The following MAPRE2 variants were observed in gnomAD, a reference collection of about 807,000 sequenced individuals.
MAPRE2 encodes microtubule-associated protein RP/EB family member 2.
Under a neutral mutation model 43.2 loss-of-function variants are expected in MAPRE2, and 13 were observed. The ratio of observed to expected loss-of-function variants is 0.30; its 90% CI spans 0.20 to 0.48. MAPRE2 has a LOEUF of 0.48. Among genes scored for constraint, MAPRE2 ranks in the 20% least tolerant of loss-of-function variants. The pLI, the probability that MAPRE2 is intolerant of heterozygous loss-of-function variation, is 0.99. For synonymous variants in MAPRE2, 135 were observed against 148.8 expected (o/e 0.91, Z 0.68); for missense variants, 161 against 400.2 (o/e 0.40, Z 5.10).
chr18:35,000,579 A>G (rs1276635279), intron 1 of MAPRE2, among the ~76,000 whole-genome samples: 1 of 152,166 alleles, frequency 6.6e-6, no homozygotes, highest in Non-Finnish European at 1.5e-5. Flanking sequence ...AGGATTTGAC[A>G]TTTCTAGAGG....
Position 35,142,244 on chromosome 18 carries a change from C to CTCT in MAPRE2, c.*1877_*1879dup, listed in dbSNP as rs1569021068. 1 of 152,200 alleles carries CTCT rather than the reference C, an allele frequency of 6.6e-6. No homozygotes were observed. The highest frequency in any genetic ancestry group is 1.5e-5 in the Non-Finnish European group (1 of 68,064). 9.4% of individuals were successfully genotyped at this position (152,200 alleles called of 1,614,324 possible). ...TTCTGAGCCTGTTGTACTCACTGATCTCTTTAAAAACAAAAAATAGCTCTT... is the reference window on the plus strand; with the variant it reads ...TTCTGAGCCTGTTGTACTCACTGATCTCTTCTTTAAAAACAAAAAATAGCTCTT... On this transcript the variant is annotated 3_prime_UTR_variant, in exon 7 of 7. Coordinates refer to ENST00000300249, the MANE Select transcript of MAPRE2 (RefSeq NM_014268.4).
At chr18:35,021,921 A>C (rs2097042157) in intron 2 of MAPRE2, among the ~76,000 whole-genome samples, 1 of 152,094 alleles carries the variant, frequency 6.6e-6, no homozygotes, top group African/African-American at 2.4e-5. Flanking sequence ...TTTCAGAATA[A>C]AAGAGATGTT....
At chr18:34,994,406 T>A (rs1269565715) in intron 1 of MAPRE2, among the ~76,000 whole-genome samples, 1 of 151,804 alleles carries the variant, frequency 6.6e-6, no homozygotes, top group Non-Finnish European at 1.5e-5. Flanking sequence ...TTTGCTTTTT[T>A]TTTTCTTTTC....
intron 4 of MAPRE2, among the ~76,000 whole-genome samples, chr18:35,113,794 G>A (rs955798812): frequency 1.3e-5 from 2 of 152,158 alleles, no homozygotes; most frequent in East Asian, 3.9e-4. Flanking sequence ...TCAGGAGGCT[G>A]AGGTGGGAGG....
intron 2 of MAPRE2, among the ~76,000 whole-genome samples, chr18:35,018,530 G>T (rs181114784): frequency 1.1e-4 from 16 of 150,828 alleles, no homozygotes; most frequent in Admixed American, 9.9e-4. Flanking sequence ...TCAGGGTTTC[G>T]ATTTCTTCCT....
intron 1 of MAPRE2, among the ~76,000 whole-genome samples, chr18:34,995,769 T>A (rs957280110): frequency 5.3e-5 from 8 of 152,158 alleles, no homozygotes; most frequent in Non-Finnish European, 1.2e-4. Flanking sequence ...TTATCTCAGT[T>A]GGGATCATGT....
intron 1 of MAPRE2, among the ~76,000 whole-genome samples, chr18:34,996,857 A>C (rs2097026755): frequency 6.6e-6 from 1 of 152,230 alleles, no homozygotes; most frequent in Non-Finnish European, 1.5e-5. Flanking sequence ...TGATAAACAT[A>C]AGAAAACGGT....
chr18:35,115,388 G>A (rs1469380743), intron 4 of MAPRE2, among the ~76,000 whole-genome samples: 3 of 151,958 alleles, frequency 2.0e-5, no homozygotes, highest in Non-Finnish European at 2.9e-5. Flanking sequence ...TGTTTCAATA[G>A]TTTTTGGGGT....
At chr18:34,980,017 C>CTTTTTTTTTTTTTTTTTTT (rs2097015242) in intron 1 of MAPRE2, among the ~76,000 whole-genome samples, 1 of 102,366 alleles carries the variant, frequency 9.8e-6, no homozygotes, top group African/African-American at 3.5e-5. Flanking sequence ...TTTTCTTTTT[C>CTTTTTTTTTTTTTTTTTTT]TTTTTCTTTT....
At position 35,119,650 on chromosome 18, in the gene MAPRE2, T is replaced by A. The variant is rs189321041; in HGVS notation, c.611-7298T>A. Among the ~76,000 whole-genome samples the A allele has an allele frequency of 5.3e-5, 8 of 152,340 alleles. No individual in the cohort carries two copies. The East Asian group carries it at 1.5e-3, about 29-fold the overall frequency. ...GGGAGTGCATGGAATGGAAGGAACC[T>A]ATGCCTTGGAGCCCATTGGTGGGTT... On this transcript the variant is annotated intron_variant, in intron 4 of 6. Transcript: ENST00000300249.
intron 1 of MAPRE2, among the ~76,000 whole-genome samples, chr18:35,065,460 GGT>G (rs1378001753): frequency 6.6e-6 from 1 of 152,144 alleles, no homozygotes; most frequent in Non-Finnish European, 1.5e-5. Flanking sequence ...ATTAAAGTGT[GGT>G]GACCCAGGGA....
At chr18:34,978,015 G>A (rs960240169) in intron 1 of MAPRE2, among the ~76,000 whole-genome samples, 2 of 152,208 alleles carry the variant, frequency 1.3e-5, no homozygotes, top group African/African-American at 4.8e-5. Flanking sequence ...CCGTAACCTC[G>A]GAGAAGGGGC....
At chr18:35,072,840 G>A (rs957528449) in intron 2 of MAPRE2, among the ~76,000 whole-genome samples, 1 of 151,938 alleles carries the variant, frequency 6.6e-6, no homozygotes, top group African/African-American at 2.4e-5. Flanking sequence ...ATTACCATTA[G>A]GATAACTTAC....
intron 5 of MAPRE2, among the ~76,000 whole-genome samples, chr18:35,130,053 A>C (rs528653368): frequency 6.6e-6 from 1 of 152,090 alleles, no homozygotes; most frequent in African/African-American, 2.4e-5. Context: ...TGTCTGGAAA[A>C]GCCTCAGCTA....
Position 35,098,250 on chromosome 18 carries a change from T to C in MAPRE2, c.396+659T>C, listed in dbSNP as rs370769318. 5.7e-3 allele frequency among the ~76,000 whole-genome samples: 874 copies of C among 152,346 alleles called. 6 individuals are homozygous for C. Among genetic ancestry groups the C allele is most frequent in the African/African-American group, 0.02 (843 of 41,574 alleles). The stretch of plus-strand genomic sequence containing the variant: ...GTTTACTGCTATTTAAATACATACT[T>C]AATCTATATTCCTTATTTAGGATAT... On this transcript the variant is annotated intron_variant, in intron 3 of 6. Coordinates refer to ENST00000300249, the MANE Select transcript of MAPRE2 (RefSeq NM_014268.4).
chr18:35,131,929 T>TTC lies in MAPRE2; in HGVS notation c.751-87_751-86dup, dbSNP rs112001878. ...AGACTTACACATTGGTTATTTCTGC[T>TTC]TCTCTCTCTCTCTCTCTTTTGGGTT... is the stretch of plus-strand genomic sequence containing the variant. On this transcript the variant is annotated intron_variant, in intron 5 of 6. Coordinates refer to ENST00000300249, the MANE Select transcript of MAPRE2 (RefSeq NM_014268.4). 1.8e-3 allele frequency: 1,998 copies of TTC among 1,093,292 alleles called. 12 individuals are homozygous for TTC. The African/African-American group carries it at 0.024, about 13-fold the overall frequency. The allele number at this position is 1,093,292 out of a possible 1,614,324, so 67.7% of individuals were successfully genotyped here.
chr18:35,086,403 A>T (rs1196173038), intron 2 of MAPRE2, among the ~76,000 whole-genome samples: 1 of 151,974 alleles, frequency 6.6e-6, no homozygotes. Flanking sequence ...GAGTGTATAT[A>T]TACTGAAATG....
chr18:35,064,225 A>G (rs1283017056), intron 1 of MAPRE2, among the ~76,000 whole-genome samples: 1 of 151,642 alleles, frequency 6.6e-6, no homozygotes, highest in Non-Finnish European at 1.5e-5. Context: ...AATAGGTTCC[A>G]CATTAAACCC....
chr18:35,058,854 T>A (rs778274460), intron 1 of MAPRE2, among the ~76,000 whole-genome samples: 9 of 152,198 alleles, frequency 5.9e-5, no homozygotes, highest in Non-Finnish European at 1.2e-4. Flanking sequence ...TCCTGCTTAA[T>A]CTCATGACAT....
Sources: gnomAD v4.1 joint callset for allele counts (sites outside exome capture counted in the v4.1 genomes callset) on GRCh38, gnomAD v4.1.1 for gene constraint, MANE v1.5 for transcripts, NCBI Gene and HGNC (gene_info 2026-07-23, HGNC 2026-07-21) for gene names.